The following ERG variants were observed in gnomAD, a reference collection of about 807,000 sequenced individuals.
The protein encoded by ERG is ETS transcription factor ERG.
ERG carries 9 observed loss-of-function variants against 55.3 expected under a neutral mutation model. The ratio of observed to expected loss-of-function variants is 0.16; its 90% CI spans 0.10 to 0.28. The LOEUF (loss-of-function observed/expected upper bound fraction) is 0.28, where lower values mean the gene tolerates loss of function less well. Among genes scored for constraint, ERG ranks in the 10% least tolerant of loss-of-function variants. ERG has a pLI of 1.00. For missense variants in ERG, 434 were observed against 631.6 expected (o/e 0.69, Z 3.35); for synonymous variants, 223 against 237.3 (o/e 0.94, Z 0.55).
intron 2 of ERG, among the ~76,000 whole-genome samples, chr21:38,424,485 T>C (rs1389816447): frequency 6.6e-6 from 1 of 152,158 alleles, no homozygotes; most frequent in Non-Finnish European, 1.5e-5. Flanking sequence ...TTCTGTTTCT[T>C]AAGCAGCTCC....
intron 1 of ERG, chr21:38,660,635 C>A (rs1277523466): frequency 6.6e-6 from 1 of 152,002 alleles, no homozygotes; most frequent in African/African-American, 2.4e-5. Flanking sequence ...CGAGCCGGGT[C>A]GCACTAACTC....
chr21:38,656,510 C>T (rs750177464), intron 1 of ERG, among the ~76,000 whole-genome samples: 1 of 152,168 alleles, frequency 6.6e-6, no homozygotes, highest in Non-Finnish European at 1.5e-5. Context: ...GATAGTCACA[C>T]AAACCTCCCT....
At position 38,429,470 on chromosome 21, in the gene ERG, T is replaced by C. The variant is rs187450854; in HGVS notation, c.237-5909A>G. 1.3e-4 allele frequency among the ~76,000 whole-genome samples: 11 copies of C among 84,230 alleles called. 2 individuals carry two copies. The highest frequency in any genetic ancestry group is 4.6e-4 in the African/African-American group (11 of 23,994). 55.3% of individuals were successfully genotyped at this position (84,230 alleles called of 152,430 possible). ...GTGTACACATGTACATATACACATATGTGTATATACATGTATGCACATGTA... is the reference window on the plus strand; with the variant it reads ...GTGTACACATGTACATATACACATACGTGTATATACATGTATGCACATGTA... On this transcript the variant is annotated intron_variant, in intron 2 of 9. Coordinates refer to ENST00000288319, the MANE Select transcript of ERG (RefSeq NM_182918.4).
chr21:38,540,035 T>G (rs1237049274), intron 2 of ERG, among the ~76,000 whole-genome samples: 2 of 151,736 alleles, frequency 1.3e-5, no homozygotes, highest in African/African-American at 4.8e-5. Context: ...TAGCTGAAAT[T>G]ACAGGCACAC....
At chr21:38,634,898 C>T (rs1195982953) in intron 1 of ERG, among the ~76,000 whole-genome samples, 2 of 152,130 alleles carry the variant, frequency 1.3e-5, no homozygotes, top group African/African-American at 2.4e-5. Flanking sequence ...TTGGAAGCAA[C>T]CAAGGTTCCT....
chr21:38,430,207 T>A (rs1310971180), intron 2 of ERG, among the ~76,000 whole-genome samples: 1 of 152,214 alleles, frequency 6.6e-6, no homozygotes, highest in Admixed American at 6.5e-5. Flanking sequence ...TGGCCATTTG[T>A]ATTTCTTCTT....
intron 2 of ERG, among the ~76,000 whole-genome samples, chr21:38,519,276 G>A (rs1179381863): frequency 2.0e-5 from 3 of 152,114 alleles, no homozygotes; most frequent in Admixed American, 1.3e-4. Context: ...AATTTACAAC[G>A]GTAAAGGTAG....
chr21:38,444,236 TG>T (rs2058868513), intron 2 of ERG, among the ~76,000 whole-genome samples: 2 of 152,296 alleles, frequency 1.3e-5, no homozygotes, highest in African/African-American at 4.8e-5. Context: ...ATGCTCAGGG[TG>T]TGGAGTCAAA....
intron 1 of ERG, among the ~76,000 whole-genome samples, chr21:38,611,143 A>T (rs1457784604): frequency 6.6e-6 from 1 of 151,874 alleles, no homozygotes; most frequent in Non-Finnish European, 1.5e-5. Flanking sequence ...GCAGAATAAC[A>T]CGCATGCCCT....
At chr21:38,587,647 C>T (rs1032886871), upstream of ERG, among the ~76,000 whole-genome samples, 8 of 152,220 alleles carry the variant, frequency 5.3e-5, no homozygotes, top group Admixed American at 1.3e-4. Flanking sequence ...CCACGGCGCC[C>T]GGCCAAAGCT....
chr21:38,412,645 G>T (rs1246622999), intron 3 of ERG, among the ~76,000 whole-genome samples: 2 of 152,032 alleles, frequency 1.3e-5, no homozygotes, highest in Non-Finnish European at 1.5e-5. Context: ...CTGAAGTGAG[G>T]TTCAATTAGC....
intron 9 of ERG, among the ~76,000 whole-genome samples, chr21:38,390,358 T>C (rs1415577356): frequency 6.6e-6 from 1 of 152,242 alleles, no homozygotes; most frequent in Non-Finnish European, 1.5e-5. Flanking sequence ...TTATTTTATC[T>C]GCTTGTATAA....
intron 2 of ERG, among the ~76,000 whole-genome samples, chr21:38,437,635 G>A (rs1296445784): frequency 3.9e-5 from 6 of 152,206 alleles, no homozygotes; most frequent in Non-Finnish European, 8.8e-5. Context: ...ATGCTCATGA[G>A]GATTCCTAGT....
chr21:38,447,160 C>T (rs2058899793), intron 1 of ERG, among the ~76,000 whole-genome samples: 1 of 151,838 alleles, frequency 6.6e-6, no homozygotes, highest in East Asian at 1.9e-4. Context: ...AAGTTTTTTC[C>T]TTAGCTTCCC....
the ERG span, among the ~76,000 whole-genome samples, chr21:38,367,315 C>T: frequency 5.3e-5 from 8 of 152,300 alleles, no homozygotes; most frequent in East Asian, 1.5e-3. Context: ...TTTATTATCT[C>T]ACAGTTTTGG....
At chr21:38,455,094 TTTTCTTTCTTTC>T (rs1250651080) in intron 1 of ERG, among the ~76,000 whole-genome samples, 1 of 144,860 alleles carries the variant, frequency 6.9e-6, no homozygotes, top group Non-Finnish European at 1.5e-5. Flanking sequence ...ATAATGTTCT[TTTTCTTTCTTTC>T]TTTCTTTCTT....
upstream of ERG, among the ~76,000 whole-genome samples, chr21:38,587,762 G>A (rs2060075379): frequency 6.6e-6 from 1 of 152,206 alleles, no homozygotes; most frequent in Non-Finnish European, 1.5e-5. Context: ...GGAGTATTTG[G>A]TTTCCAATTT....
intron 1 of ERG, among the ~76,000 whole-genome samples, chr21:38,470,601 T>C (rs1448937280): frequency 6.6e-6 from 1 of 152,226 alleles, no homozygotes; most frequent in Non-Finnish European, 1.5e-5. Context: ...AAAGTCTAGT[T>C]CACTCTGCAC....
intron 2 of ERG, among the ~76,000 whole-genome samples, chr21:38,424,798 G>T (rs569101594): frequency 7.9e-5 from 12 of 152,230 alleles, no homozygotes; most frequent in Non-Finnish European, 1.5e-4. Context: ...GGCAGGGAAG[G>T]GTGAGGACTG....
Sources: allele counts gnomAD v4.1 joint callset (sites outside exome capture counted in the v4.1 genomes callset), GRCh38; gene constraint gnomAD v4.1.1; transcripts MANE v1.5; gene names NCBI Gene and HGNC (gene_info 2026-07-23, HGNC 2026-07-21).